Variants in ANO1 observed in about 807,000 individuals in gnomAD.
The protein encoded by ANO1 is anoctamin 1.
A neutral mutation model predicts 124.0 loss-of-function variants in ANO1; 59 were observed. The observed-to-expected ratio is 0.48, with a 90% CI of 0.39 to 0.59. The LOEUF is 0.59. ANO1 is among the 20% of genes least tolerant of loss of function. The probability of loss-of-function intolerance (pLI) is 0.00; values close to 1 mark genes in which losing one functional copy is unlikely to be tolerated. For synonymous variants in ANO1, 529 were observed against 532.0 expected (o/e 0.99, Z 0.08); for missense variants, 1,059 against 1,328.0 (o/e 0.80, Z 3.15).
At position 70,152,476 on chromosome 11, in the gene ANO1, G is replaced by C; in HGVS notation, c.1353+15G>C. The C allele has an allele frequency of 6.2e-7, 1 of 1,611,186 alleles. No homozygotes were observed. Among genetic ancestry groups the C allele is most frequent in the Non-Finnish European group, 8.5e-7 (1 of 1,178,630 alleles). On this transcript the variant is annotated intron_variant, in intron 13 of 25. Coordinates refer to ENST00000355303, the MANE Select transcript of ANO1 (RefSeq NM_018043.7). ...AGGCTGTCAAGGTTTGGAACTTTTT[G>C]TCGCTCCTCTATCTTCCCACAGCCT...
At chr11:70,171,810 A>G (rs1219506532) in intron 22 of ANO1, among the ~76,000 whole-genome samples, 1 of 152,154 alleles carries the variant, frequency 6.6e-6, no homozygotes, top group African/African-American at 2.4e-5. Flanking sequence ...CTACAAAAAA[A>G]CACAAAAATG....
At chr11:69,975,539 A>C in the ANO1 span, among the ~76,000 whole-genome samples, 1 of 152,228 alleles carries the variant, frequency 6.6e-6, no homozygotes, top group Admixed American at 6.5e-5. Flanking sequence ...AGCCCCCTTC[A>C]GGGGTGATTT....
chr11:69,984,891 C>T (rs1392708013), upstream of ANO1, among the ~76,000 whole-genome samples: 4 of 152,234 alleles, frequency 2.6e-5, no homozygotes, highest in Non-Finnish European at 5.9e-5. Context: ...CTCCTGTGGT[C>T]ACGGAGCCAC....
At chr11:69,978,544 T>C in the ANO1 span, among the ~76,000 whole-genome samples, 2 of 152,262 alleles carry the variant, frequency 1.3e-5, no homozygotes, top group East Asian at 1.9e-4. Flanking sequence ...AGAGGCAGGG[T>C]CTTGCCATGT....
the ANO1 span, among the ~76,000 whole-genome samples, chr11:69,973,551 T>G: frequency 6.6e-6 from 1 of 152,136 alleles, no homozygotes; most frequent in East Asian, 1.9e-4. Context: ...ATAGAGCATC[T>G]TCTACTTTAT....
chr11:70,124,878 C>T (rs2046430788), intron 9 of ANO1, among the ~76,000 whole-genome samples: 1 of 152,236 alleles, frequency 6.6e-6, no homozygotes, highest in Non-Finnish European at 1.5e-5. Flanking sequence ...CTGCCAACCA[C>T]GCTTAATATG....
At chr11:70,078,249 C>G (rs1273240481), upstream of ANO1, 1 of 153,120 alleles carries the variant, frequency 6.5e-6, no homozygotes, top group African/African-American at 2.4e-5. Flanking sequence ...ATCTGACCGG[C>G]GCGGCCACCG....
At chr11:70,024,246 G>A (rs1391404587) in intron 1 of ANO1, among the ~76,000 whole-genome samples, 1 of 152,176 alleles carries the variant, frequency 6.6e-6, no homozygotes, top group African/African-American at 2.4e-5. Context: ...CTCCCTAAAT[G>A]AGTCGCAATG....
At chr11:70,007,758 T>C (rs1433502272) in intron 1 of ANO1, among the ~76,000 whole-genome samples, 4 of 152,188 alleles carry the variant, frequency 2.6e-5, no homozygotes, top group Admixed American at 2.6e-4. Flanking sequence ...TTAAATTCCT[T>C]TGGGGAGACA....
At chr11:70,185,530 C>T in intron 24 of ANO1, 60 bp from the exon 25 acceptor site, 2 of 1,522,600 alleles carry the variant, frequency 1.3e-6, no homozygotes, top group South Asian at 2.3e-5. Context: ...CTGCCTGACT[C>T]CAGCCAGAGC....
At chr11:70,010,742 G>T (rs1555000975) in intron 1 of ANO1, among the ~76,000 whole-genome samples, 2 of 152,142 alleles carry the variant, frequency 1.3e-5, no homozygotes, top group Non-Finnish European at 2.9e-5. Context: ...AGGGGTCCTG[G>T]TCCCTGCTAT....
chr11:70,095,283 G>GGAAA (rs2044824499), intron 2 of ANO1, among the ~76,000 whole-genome samples: 8 of 84,092 alleles, frequency 9.5e-5, no homozygotes, highest in South Asian at 7.3e-4. Context: ...AAGGAAGGAA[G>GGAAA]GAAGGAAGGA....
chr11:70,095,403 AAAG>A (rs752942512), intron 2 of ANO1, among the ~76,000 whole-genome samples: 3,181 of 43,820 alleles, frequency 0.073, 344 homozygotes, highest in South Asian at 0.11. Context: ...AGAAAGAAAG[AAAG>A]AAAGAAAGAA....
chr11:70,169,845 C>T (rs56751551), intron 21 of ANO1: 26,475 of 230,002 alleles, frequency 0.12, 1,690 homozygotes, highest in Middle Eastern at 0.15. Context: ...GCCAGGCACA[C>T]GGTGACATTC....
chr11:70,095,364 AAG>A (rs1168510332), intron 2 of ANO1, among the ~76,000 whole-genome samples: 292 of 27,306 alleles, frequency 0.011, 29 homozygotes, highest in African/African-American at 0.028. Context: ...GAAAGAAAGA[AAG>A]AAAGAAAGAA....
upstream of ANO1, among the ~76,000 whole-genome samples, chr11:70,074,398 T>C (rs2044028629): frequency 6.6e-6 from 1 of 152,180 alleles, no homozygotes; most frequent in Admixed American, 6.5e-5. Context: ...ATTTCTATTT[T>C]GTAAAAAGAA....
At chr11:70,049,633 C>G (rs117620719) in intron 1 of ANO1, among the ~76,000 whole-genome samples, 2 of 152,134 alleles carry the variant, frequency 1.3e-5, no homozygotes, top group African/African-American at 4.8e-5. Context: ...AGTGAATGAA[C>G]GAATAAGTAA....
rs1270986923 is a variant in ANO1, at chr11:70,165,517, C to T, written c.1998C>T (p.Ile666=). 2 of 1,612,292 alleles carry T rather than the reference C, an allele frequency of 1.2e-6. No homozygotes were observed. The highest frequency in any genetic ancestry group is 1.1e-5 in the South Asian group (1 of 90,400). Residue 666 remains isoleucine (I), a synonymous_variant, in exon 20 of 26, where the codon ATC becomes ATT. Coordinates refer to ENST00000355303, the MANE Select transcript of ANO1 (RefSeq NM_018043.7). Reference sequence around the variant, plus strand: ...TGGAGCTATGCATCCAGCTCAGCATCATCATGCTGGGGAAACAGCTGATCC... The same window carrying T: ...TGGAGCTATGCATCCAGCTCAGCATTATCATGCTGGGGAAACAGCTGATCC... ...CLMELCIQLS[I]IMLGKQLIQN... is the part of the protein sequence containing the mutation.
chr11:70,016,763 C>T (rs1555002008), intron 1 of ANO1, among the ~76,000 whole-genome samples: 1 of 152,190 alleles, frequency 6.6e-6, no homozygotes, highest in African/African-American at 2.4e-5. Flanking sequence ...CTGTGGGGCT[C>T]ACCCTTAATC....
Sources: gnomAD v4.1 joint callset for allele counts (sites outside exome capture counted in the v4.1 genomes callset) on GRCh38, gnomAD v4.1.1 for gene constraint, MANE v1.5 for transcripts, NCBI Gene and HGNC (gene_info 2026-07-23, HGNC 2026-07-21) for gene names.